RAB11FIP4: variants seen among roughly 807,000 people sequenced by gnomAD.
The protein encoded by RAB11FIP4 is RAB11 family interacting protein 4.
A neutral mutation model predicts 74.3 loss-of-function variants in RAB11FIP4; 23 were observed. The ratio of observed to expected loss-of-function variants is 0.31; its 90% CI spans 0.22 to 0.44. The LOEUF is 0.44. Among genes scored for constraint, RAB11FIP4 ranks in the 20% least tolerant of loss-of-function variants. The probability of loss-of-function intolerance (pLI) is 1.00; values close to 1 mark genes in which losing one functional copy is unlikely to be tolerated. For synonymous variants in RAB11FIP4, 360 were observed against 359.9 expected (o/e 1.00, Z 0.00); for missense variants, 630 against 863.9 (o/e 0.73, Z 3.39).
intron 4 of RAB11FIP4, among the ~76,000 whole-genome samples, chr17:31,519,892 C>T (rs1259344312): frequency 1.3e-5 from 2 of 151,826 alleles, no homozygotes; most frequent in African/African-American, 2.4e-5. Flanking sequence ...GCGGGCAGAT[C>T]ACCTGAGGCC....
chr17:31,479,693 G>A (rs189050449), intron 3 of RAB11FIP4, among the ~76,000 whole-genome samples: 3 of 152,302 alleles, frequency 2.0e-5, no homozygotes, highest in East Asian at 3.9e-4. Flanking sequence ...ATACCTGGGT[G>A]GAGTTTTGAA....
rs368645951 is a variant in RAB11FIP4 at position 31,421,195 on chromosome 17, G to T, written c.160-10618G>T. Among the ~76,000 whole-genome samples, 32 of 152,104 alleles carry T rather than the reference G, an allele frequency of 2.1e-4. No homozygotes were observed. In the East Asian group the frequency reaches 4.1e-3, roughly 19 times the overall value. On this transcript the variant is annotated intron_variant, in intron 1 of 14. Transcript: ENST00000621161. Reference sequence around the variant, plus strand: ...ATTTTTCAGATGCCTTTCTGTTTTTGATTTTTTTGCTTGTTTTAAAATTTC... The same window carrying T: ...ATTTTTCAGATGCCTTTCTGTTTTTTATTTTTTTGCTTGTTTTAAAATTTC...
In RAB11FIP4 at chr17:31,523,541, G is replaced by GCAGCAATGGC. The variant is rs1272106550; in HGVS notation, c.960_969dup (p.Ser324GlnfsTer14). On this transcript the variant is annotated frameshift_variant, in exon 8 of 15. Coordinates refer to ENST00000621161, the MANE Select transcript of RAB11FIP4 (RefSeq NM_032932.6). LOFTEE classifies it high-confidence loss of function. ...CTCATGCACAGCAGCAACTTCAGCA[G>GCAGCAATGGC]CAGCAATGGCAGCACCGAAGACCTG... 6.2e-7 allele frequency: 1 copy of GCAGCAATGGC among 1,614,116 alleles called. No homozygotes were observed. Among genetic ancestry groups the GCAGCAATGGC allele is most frequent in the Non-Finnish European group, 8.5e-7 (1 of 1,180,004 alleles).
chr17:31,424,092 T>C (rs1382672661), intron 1 of RAB11FIP4, among the ~76,000 whole-genome samples: 1 of 152,186 alleles, frequency 6.6e-6, no homozygotes, highest in Non-Finnish European at 1.5e-5. Context: ...TTTTTCTCTG[T>C]GCACCTGCTG....
At chr17:31,401,306 G>A (rs1194046987) in intron 1 of RAB11FIP4, among the ~76,000 whole-genome samples, 2 of 149,688 alleles carry the variant, frequency 1.3e-5, no homozygotes, top group African/African-American at 2.4e-5. Context: ...GCTTGCCCCA[G>A]CATCTTCAGA....
intron 3 of RAB11FIP4, among the ~76,000 whole-genome samples, chr17:31,473,161 G>A (rs573633385): frequency 2.7e-4 from 41 of 152,260 alleles, no homozygotes; most frequent in African/African-American, 9.6e-4. Context: ...CCGGGCAGAG[G>A]TTCTGAGAGC....
intron 10 of RAB11FIP4, chr17:31,527,533 T>G: frequency 3.6e-6 from 1 of 279,432 alleles, no homozygotes; most frequent in South Asian, 7.7e-5. Flanking sequence ...GAGTTAGAGG[T>G]TGCAGAGCTG....
In RAB11FIP4 at chr17:31,411,085, C is replaced by T. The variant is rs193218970; in HGVS notation, c.159+19074C>T. 1.3e-4 allele frequency among the ~76,000 whole-genome samples: 20 copies of T among 152,118 alleles called. 1 individual carries two copies. The East Asian group carries it at 1.7e-3, about 13-fold the overall frequency. ...CAGGCTCAAACCTCACTTTCCAGGCCGGGCGCGGTGGCTCACGCCTGTAAT... is the reference window on the plus strand; with the variant it reads ...CAGGCTCAAACCTCACTTTCCAGGCTGGGCGCGGTGGCTCACGCCTGTAAT... On this transcript the variant is annotated intron_variant, in intron 1 of 14. Coordinates refer to ENST00000621161, the MANE Select transcript of RAB11FIP4 (RefSeq NM_032932.6).
At chr17:31,436,753 GT>G (rs66665633) in intron 3 of RAB11FIP4, among the ~76,000 whole-genome samples, 79,482 of 145,868 alleles carry the variant, frequency 0.54, 21,599 homozygotes, top group Admixed American at 0.63. Context: ...TTTGTTTTTT[GT>G]TTTTTTTTTG....
In RAB11FIP4 at chr17:31,525,238, C is replaced by T; in HGVS notation, c.1274+8C>T. On this transcript the variant is annotated splice_region_variant and intron_variant, in intron 10 of 14. Transcript: ENST00000621161. ...GGAGCTGCTCAATGCCAGGTGGGCC[C>T]CTCCACCGAGCCCCCTCCCTCAGAG... The T allele has an allele frequency of 1.3e-6, 2 of 1,541,388 alleles. No homozygotes were observed. Among genetic ancestry groups the T allele is most frequent in the South Asian group, 1.2e-5 (1 of 82,782 alleles).
intron 3 of RAB11FIP4, among the ~76,000 whole-genome samples, chr17:31,458,273 G>A (rs1429105729): frequency 6.6e-6 from 1 of 152,196 alleles, no homozygotes; most frequent in Non-Finnish European, 1.5e-5. Context: ...CTGGAGGCAG[G>A]ACCAGAGGAC....
intron 3 of RAB11FIP4, among the ~76,000 whole-genome samples, chr17:31,452,040 A>G (rs1043711490): frequency 1.3e-5 from 2 of 152,142 alleles, no homozygotes; most frequent in Non-Finnish European, 2.9e-5. Context: ...GAACATTACA[A>G]TTCTTCTAGC....
rs538790856 is a variant in RAB11FIP4, at chr17:31,483,141, C to T, written c.337-34510C>T. The stretch of plus-strand genomic sequence containing the variant: ...CCTGGAGGCGGAGTTTGCAGTGAGC[C>T]GAGATCATGCCATTGCATTCCAGCC... On this transcript the variant is annotated intron_variant, in intron 3 of 14. Coordinates refer to ENST00000621161, the MANE Select transcript of RAB11FIP4 (RefSeq NM_032932.6). 1.8e-4 allele frequency among the ~76,000 whole-genome samples: 25 copies of T among 136,574 alleles called. 1 individual carries two copies. The South Asian group carries it at 3.0e-3, about 16-fold the overall frequency. 89.6% of individuals were successfully genotyped at this position (136,574 alleles called of 152,430 possible).
At chr17:31,411,234 G>A (rs963927170) in intron 1 of RAB11FIP4, among the ~76,000 whole-genome samples, 5 of 152,140 alleles carry the variant, frequency 3.3e-5, no homozygotes, top group Admixed American at 6.6e-5. Context: ...CGTGATGGCG[G>A]GCGCCTGTAG....
At chr17:31,459,897 G>T (rs1021438790) in intron 3 of RAB11FIP4, among the ~76,000 whole-genome samples, 1 of 152,232 alleles carries the variant, frequency 6.6e-6, no homozygotes, top group African/African-American at 2.4e-5. Flanking sequence ...GGGTCCCAGG[G>T]CTTGTGTGGA....
At chr17:31,429,038 C>T (rs1483566550) in intron 1 of RAB11FIP4, among the ~76,000 whole-genome samples, 2 of 152,010 alleles carry the variant, frequency 1.3e-5, no homozygotes, top group South Asian at 2.1e-4. Flanking sequence ...AGTGCAGTGG[C>T]GCGATCTTGG....
intron 13 of RAB11FIP4, among the ~76,000 whole-genome samples, chr17:31,529,759 C>T (rs548777878): frequency 1.5e-4 from 23 of 152,300 alleles, no homozygotes; most frequent in African/African-American, 5.5e-4. Context: ...GGTGGCTGTG[C>T]TCTCACAGAA....
At position 31,434,055 on chromosome 17, in the gene RAB11FIP4, A is replaced by G. The variant is rs777545398; in HGVS notation, c.269A>G (p.Asp90Gly). Residue 90 changes from aspartate to glycine, a missense_variant, in exon 3 of 15, where the codon GAT (aspartate) becomes GGT (glycine). Transcript: ENST00000621161. ...AMKGCEELLK[D>G]VLSVESAGTL... is the part of the protein sequence containing the mutation. ...GCAGGGTGCGAGGAGCTGCTGAAGG[A>G]TGTGCTGTCGGTGGAGAGCGCGGGG... 1 of 1,586,574 alleles carries G rather than the reference A, an allele frequency of 6.3e-7. No homozygotes were observed. The highest frequency in any genetic ancestry group is 8.5e-7 in the Non-Finnish European group (1 of 1,174,354).
rs72815700 is a variant in RAB11FIP4 at position 31,522,405 on chromosome 17, G to A, written c.929+10G>A. 87,653 of 1,612,646 alleles carry A rather than the reference G, an allele frequency of 0.054. 2,756 individuals carry two copies. The highest frequency in any genetic ancestry group is 0.06 in the Non-Finnish European group (70,169 of 1,179,116). Reference sequence around the variant, plus strand: ...GCACGGCCTTTGGACGGTAAGGCCCGCCTCGAGGGAGGGCAAATTGAGTGC... The same window carrying A: ...GCACGGCCTTTGGACGGTAAGGCCCACCTCGAGGGAGGGCAAATTGAGTGC... On this transcript the variant is annotated intron_variant, in intron 7 of 14. Coordinates refer to ENST00000621161, the MANE Select transcript of RAB11FIP4 (RefSeq NM_032932.6).
Sources: allele counts gnomAD v4.1 joint callset (sites outside exome capture counted in the v4.1 genomes callset), GRCh38; gene constraint gnomAD v4.1.1; transcripts MANE v1.5; gene names NCBI Gene and HGNC (gene_info 2026-07-23, HGNC 2026-07-21).